ATF7IP: variants seen among roughly 807,000 people sequenced by gnomAD.
ATF7IP encodes the protein activating transcription factor 7-interacting protein 1.
In ATF7IP, 23 loss-of-function variants were observed where a neutral mutation model predicts 106.4. The observed-to-expected ratio is 0.22, with a 90% confidence interval of 0.16 to 0.31. The LOEUF (loss-of-function observed/expected upper bound fraction) is 0.31. Ranked by LOEUF, ATF7IP falls within the 10% of genes least tolerant of loss-of-function variation. The probability of loss-of-function intolerance (pLI) is 1.00; values close to 1 mark genes in which losing one functional copy is unlikely to be tolerated. For synonymous variants in ATF7IP, 542 were observed against 539.0 expected (o/e 1.01, Z -0.08); for missense variants, 1,334 against 1,524.3 (o/e 0.88, Z 2.08).
rs548267267 is a variant in ATF7IP, at chr12:14,411,136, T to C, written c.-7-12773T>C. ...GACATATGTTTTCATTTCTCTTGGG[T>C]ATATACCTAGGAATGGAATTGCTGG... On this transcript the variant is annotated intron_variant, in intron 1 of 14. Transcript: ENST00000261168. Among the ~76,000 whole-genome samples, 4 of 152,310 alleles carry C rather than the reference T, an allele frequency of 2.6e-5. No homozygotes were observed. The South Asian group carries it at 8.3e-4, about 32-fold the overall frequency.
Position 14,438,291 on chromosome 12 carries a change from A to G in ATF7IP, c.1929+24A>G, listed in dbSNP as rs773132939. 16 of 1,588,608 alleles carry G rather than the reference A, an allele frequency of 1.0e-5. No homozygotes were observed. The South Asian group carries it at 1.6e-4, about 15-fold the overall frequency. ...AGGTTTGTACATTGACTTGAGTTGT[A>G]TACTCCATGTGTCATTGTTTTTATA... On this transcript the variant is annotated intron_variant, in intron 5 of 14. Coordinates refer to ENST00000261168, the MANE Select transcript of ATF7IP (RefSeq NM_018179.5).
chr12:14,459,439 A>G (rs1035386020), intron 8 of ATF7IP, among the ~76,000 whole-genome samples: 4 of 152,244 alleles, frequency 2.6e-5, no homozygotes, highest in Admixed American at 2.0e-4. Flanking sequence ...ATTCTTAAGT[A>G]AAACTGACTT....
chr12:14,413,947 AT>A (rs1193918201), intron 1 of ATF7IP, among the ~76,000 whole-genome samples: 1 of 152,198 alleles, frequency 6.6e-6, no homozygotes, highest in African/African-American at 2.4e-5. Context: ...AAAAAATTAT[AT>A]GTGTCAGTAT....
intron 1 of ATF7IP, among the ~76,000 whole-genome samples, chr12:14,404,994 T>G (rs2041983): frequency 1 from 152,101 of 152,312 alleles, 75,946 homozygotes; most frequent in Non-Finnish European, 1. Context: ...TTAAACTTTT[T>G]TTAATCGCTT....
intron 1 of ATF7IP, chr12:14,367,539 A>G (rs149453910): frequency 6.6e-6 from 1 of 152,204 alleles, no homozygotes; most frequent in East Asian, 1.9e-4. Context: ...TTCGAGTTGA[A>G]CATACACATA....
chr12:14,437,021 T>C (rs1942436172), intron 4 of ATF7IP, among the ~76,000 whole-genome samples: 1 of 152,188 alleles, frequency 6.6e-6, no homozygotes, highest in Non-Finnish European at 1.5e-5. Context: ...TATTGTGTAC[T>C]TGAGGGTTAG....
At chr12:14,455,371 A>G (rs1056388342) in intron 6 of ATF7IP, among the ~76,000 whole-genome samples, 4 of 151,980 alleles carry the variant, frequency 2.6e-5, no homozygotes, top group African/African-American at 4.8e-5. Flanking sequence ...TCTTAATTCT[A>G]TTGTTTTTCC....
intron 10 of ATF7IP, among the ~76,000 whole-genome samples, chr12:14,468,038 G>A (rs943531368): frequency 7.9e-5 from 12 of 151,330 alleles, no homozygotes; most frequent in Admixed American, 1.3e-4. Context: ...AGGCCGAGGC[G>A]GGCAGATCAC....
intron 13 of ATF7IP, among the ~76,000 whole-genome samples, chr12:14,484,746 T>C (rs1338119041): frequency 6.6e-6 from 1 of 152,178 alleles, no homozygotes; most frequent in Non-Finnish European, 1.5e-5. Context: ...ATATGGGCAT[T>C]TGAGCCACTT....
chr12:14,490,730 C>A (rs1169120277), intron 13 of ATF7IP, among the ~76,000 whole-genome samples: 1 of 152,102 alleles, frequency 6.6e-6, no homozygotes, highest in Admixed American at 6.6e-5. Context: ...GGCAGGGTGT[C>A]AGAGGGGAGA....
chr12:14,400,587 G>C (rs1940138374), intron 1 of ATF7IP, among the ~76,000 whole-genome samples: 1 of 151,840 alleles, frequency 6.6e-6, no homozygotes, highest in Non-Finnish European at 1.5e-5. Flanking sequence ...TTTAATTCCT[G>C]GGATATTAAG....
intron 2 of ATF7IP, among the ~76,000 whole-genome samples, chr12:14,430,863 G>A (rs1942082492): frequency 6.6e-6 from 1 of 152,166 alleles, no homozygotes; most frequent in South Asian, 2.1e-4. Flanking sequence ...ATGTCACATA[G>A]CACTTATTGC....
rs950897147 is a variant in ATF7IP, at chr12:14,447,126, G to A, written c.1995+73G>A. On this transcript the variant is annotated intron_variant, in intron 6 of 14. Transcript: ENST00000261168. The stretch of plus-strand genomic sequence containing the variant: ...AATCTTAGGAAATGCTGAATTAGGA[G>A]GAAACTGTATTACAAATCTGAAATT... 75 of 1,208,948 alleles carry A rather than the reference G, an allele frequency of 6.2e-5. 3 individuals carry two copies. The highest frequency in any genetic ancestry group is 8.5e-5 in the Non-Finnish European group (72 of 850,346). 74.9% of individuals were successfully genotyped at this position (1,208,948 alleles called of 1,614,324 possible). A position where few individuals can be genotyped will look rare whatever the true frequency, so the allele number is the denominator to read the frequency against.
intron 1 of ATF7IP, among the ~76,000 whole-genome samples, chr12:14,401,458 A>G (rs1232174130): frequency 2.0e-5 from 3 of 152,164 alleles, no homozygotes; most frequent in African/African-American, 7.2e-5. Flanking sequence ...TGGCCTCCCA[A>G]ACTGCTGGGA....
chr12:14,459,459 C>T (rs1392236967), intron 8 of ATF7IP, among the ~76,000 whole-genome samples: 40 of 152,170 alleles, frequency 2.6e-4, no homozygotes, highest in Admixed American at 2.6e-3. Flanking sequence ...TTGTTTTTTA[C>T]TGTAAGCATG....
chr12:14,475,993 G>A, intron 11 of ATF7IP, 25 bp downstream of exon 11: 2 of 1,573,528 alleles, frequency 1.3e-6, no homozygotes, highest in Non-Finnish European at 1.7e-6. Context: ...ATTGTACTAA[G>A]CAACGTTTTG....
chr12:14,494,333 A>ATATATATATATATATATG (rs1234871100), intron 13 of ATF7IP, among the ~76,000 whole-genome samples: 1 of 86,036 alleles, frequency 1.2e-5, no homozygotes, highest in Non-Finnish European at 2.3e-5. Context: ...ATATATATAT[A>ATATATATATATATATATG]TGTGTGTGTG....
At chr12:14,423,546 T>C (rs901938297) in intron 1 of ATF7IP, among the ~76,000 whole-genome samples, 1 of 150,836 alleles carries the variant, frequency 6.6e-6, no homozygotes, top group Middle Eastern at 3.2e-3. Flanking sequence ...CTTACACTTT[T>C]ATTTTTCTTT....
At chr12:14,419,717 A>G (rs1475771092) in intron 1 of ATF7IP, among the ~76,000 whole-genome samples, 3 of 152,152 alleles carry the variant, frequency 2.0e-5, no homozygotes, top group Non-Finnish European at 4.4e-5. Context: ...TCTGTAATTA[A>G]AAACCCTTAA....
Sources: allele counts gnomAD v4.1 joint callset (sites outside exome capture counted in the v4.1 genomes callset), GRCh38; gene constraint gnomAD v4.1.1; transcripts MANE v1.5; gene names NCBI Gene and HGNC (gene_info 2026-07-23, HGNC 2026-07-21).